KDM3B: variants seen among roughly 807,000 people sequenced by gnomAD.
The protein encoded by KDM3B is lysine demethylase 3B, also known as lysine-specific demethylase 3B.
Under a neutral mutation model 170.0 loss-of-function variants are expected in KDM3B, and 10 were observed. That is an observed-to-expected ratio of 0.06 (90% CI 0.04 to 0.10). The LOEUF is 0.10. Among genes scored for constraint, KDM3B ranks in the 10% least tolerant of loss-of-function variants. The probability of loss-of-function intolerance (pLI) is 1.00; values close to 1 mark genes in which losing one functional copy is unlikely to be tolerated. For missense variants in KDM3B, 1,394 were observed against 2,195.2 expected (o/e 0.64, Z 7.29); for synonymous variants, 831 against 834.8 (o/e 1.00, Z 0.08).
At chr5:138,408,023 A>G (rs1561783739) in intron 11 of KDM3B, among the ~76,000 whole-genome samples, 2 of 152,234 alleles carry the variant, frequency 1.3e-5, no homozygotes, top group Non-Finnish European at 2.9e-5. Context: ...AGTTGCAGAC[A>G]TAGATGTTAG....
At chr5:138,417,670 G>T (rs997581147) in intron 13 of KDM3B, 60 bp downstream of exon 13, 1 of 1,564,404 alleles carries the variant, frequency 6.4e-7, no homozygotes, top group Admixed American at 1.7e-5. Flanking sequence ...ACCAGGAAAT[G>T]CCCCCTTTTC....
chr5:138,403,714 C>T (rs183794335), intron 11 of KDM3B, among the ~76,000 whole-genome samples: 3 of 150,964 alleles, frequency 2.0e-5, no homozygotes, highest in Non-Finnish European at 4.4e-5. Context: ...AACCTTAAGC[C>T]AGGTATGATG....
At chr5:138,417,120 C>G (rs1281574845) in intron 12 of KDM3B, among the ~76,000 whole-genome samples, 1 of 152,138 alleles carries the variant, frequency 6.6e-6, no homozygotes, top group African/African-American at 2.4e-5. Flanking sequence ...CACACCTGGC[C>G]AATATTTATA....
At chr5:138,375,964 A>G (rs1207842348) in intron 3 of KDM3B, among the ~76,000 whole-genome samples, 1 of 152,122 alleles carries the variant, frequency 6.6e-6, no homozygotes, top group Non-Finnish European at 1.5e-5. Context: ...GGTGTGATCA[A>G]CCACGCCTGG....
chr5:138,394,863 G>A (rs1430410244), intron 9 of KDM3B, among the ~76,000 whole-genome samples: 9 of 152,218 alleles, frequency 5.9e-5, no homozygotes, highest in Non-Finnish European at 1.3e-4. Flanking sequence ...AATTATCCAA[G>A]TGAGAAATGA....
intron 13 of KDM3B, 122 bp downstream of exon 13, chr5:138,417,732 G>A: frequency 1.0e-6 from 1 of 992,378 alleles, no homozygotes; most frequent in East Asian, 2.4e-5. Flanking sequence ...AGGAGATGGA[G>A]AAGCCTTTCT....
At chr5:138,373,409 A>C (rs1030274794) in intron 2 of KDM3B, among the ~76,000 whole-genome samples, 1 of 152,190 alleles carries the variant, frequency 6.6e-6, no homozygotes, top group Non-Finnish European at 1.5e-5. Context: ...AGGTTTTGAA[A>C]CATTATTTGT....
At chr5:138,410,616 C>G (rs534845719) in intron 11 of KDM3B, among the ~76,000 whole-genome samples, 9 of 152,226 alleles carry the variant, frequency 5.9e-5, no homozygotes, top group Admixed American at 5.2e-4. Context: ...CAGCTGGGCC[C>G]GGGGGACCAC....
intron 1 of KDM3B, among the ~76,000 whole-genome samples, chr5:138,369,335 C>T (rs1404419949): frequency 6.6e-6 from 1 of 152,106 alleles, no homozygotes; most frequent in Non-Finnish European, 1.5e-5. Flanking sequence ...TTTAATTCTC[C>T]CGTACTCCTA....
chr5:138,364,785 A>G (rs908484103), intron 1 of KDM3B, among the ~76,000 whole-genome samples: 1 of 152,244 alleles, frequency 6.6e-6, no homozygotes, highest in Non-Finnish European at 1.5e-5. Context: ...GACTTGCTCC[A>G]GGCTACACAG....
intron 19 of KDM3B, 111 bp downstream of exon 19, chr5:138,427,430 T>TTC: frequency 1.6e-6 from 2 of 1,244,298 alleles, no homozygotes; most frequent in South Asian, 1.4e-5. Context: ...AGGCAAGTGC[T>TTC]GGAGAAGTGA....
chr5:138,421,646 G>C (rs1763276025), intron 15 of KDM3B, among the ~76,000 whole-genome samples: 1 of 152,158 alleles, frequency 6.6e-6, no homozygotes, highest in African/African-American at 2.4e-5. Flanking sequence ...ACAGTAGCTA[G>C]AGAGGTTCTT....
chr5:138,411,430 T>G (rs1222320869), intron 11 of KDM3B, among the ~76,000 whole-genome samples: 1 of 152,206 alleles, frequency 6.6e-6, no homozygotes. Context: ...CTGGTATAAC[T>G]ATTCTTGTTT....
intron 11 of KDM3B, among the ~76,000 whole-genome samples, chr5:138,408,239 A>ACGC (rs889412052): frequency 5.3e-5 from 8 of 152,060 alleles, no homozygotes; most frequent in African/African-American, 1.9e-4. Flanking sequence ...TGTAAATCAG[A>ACGC]CGCCGCCGCC....
chr5:138,423,198 G>C (rs1255960699), intron 15 of KDM3B, among the ~76,000 whole-genome samples: 1 of 152,152 alleles, frequency 6.6e-6, no homozygotes, highest in Non-Finnish European at 1.5e-5. Flanking sequence ...CACCTGCCTT[G>C]GCCTCCCAAA....
At position 138,392,170 on chromosome 5, in the gene KDM3B, C is replaced by T. The variant is rs961326182; in HGVS notation, c.2538C>T (p.Gly846=). ...CAGAGCACCTGATGGGGAAGCTGGG[C>T]CCCAATGGGGAGCGCAGTGCTGAGC... ...GIPEHLMGKL[G]PNGERSAELL... is the part of the protein sequence containing the mutation. Residue 846 remains glycine, a synonymous_variant, in exon 8 of 24, where the codon GGC becomes GGT. Coordinates refer to ENST00000314358, the MANE Select transcript of KDM3B (RefSeq NM_016604.4). The T allele has an allele frequency of 1.3e-6, 2 of 1,572,152 alleles. No homozygotes were observed. The highest frequency in any genetic ancestry group is 1.7e-6 in the Non-Finnish European group (2 of 1,153,606).
At chr5:138,362,806 G>A (rs1203526560) in intron 1 of KDM3B, among the ~76,000 whole-genome samples, 1 of 149,050 alleles carries the variant, frequency 6.7e-6, no homozygotes, top group African/African-American at 2.4e-5. Context: ...TGTTACATAT[G>A]TATACATGTG....
chr5:138,426,745 G>A, intron 17 of KDM3B: 3 of 429,704 alleles, frequency 7.0e-6, no homozygotes, highest in East Asian at 4.2e-5. Context: ...ACAAAAATTA[G>A]CCAGGCGTGG....
Position 138,424,034 on chromosome 5 carries a change from G to T in KDM3B, c.3973-41G>T. On this transcript the variant is annotated intron_variant, in intron 15 of 23. Transcript: ENST00000314358. ...CAGTTTTTTGAATGCCGTTCTCATG[G>T]TGCCTCAGTCAAGCTTACCTGGTGG... The T allele has an allele frequency of 1.3e-6, 2 of 1,499,864 alleles. 1 individual carries two copies. Among genetic ancestry groups the T allele is most frequent in the Middle Eastern group, 3.6e-4 (2 of 5,484 alleles). The allele number at this position is 1,499,864 out of a possible 1,614,324, so 92.9% of individuals were successfully genotyped here. A position where few individuals can be genotyped will look rare whatever the true frequency, so the allele number is the denominator to read the frequency against.
Sources: gnomAD v4.1 joint callset for allele counts (sites outside exome capture counted in the v4.1 genomes callset) on GRCh38, gnomAD v4.1.1 for gene constraint, MANE v1.5 for transcripts, NCBI Gene and HGNC (gene_info 2026-07-23, HGNC 2026-07-21) for gene names.